CBX6: variants seen among roughly 807,000 people sequenced by gnomAD.
CBX6 encodes chromobox protein homolog 6.
In CBX6, 7 loss-of-function variants were observed where a neutral mutation model predicts 28.4. That is an observed-to-expected ratio of 0.25 (90% CI 0.14 to 0.46). The LOEUF (loss-of-function observed/expected upper bound fraction) is 0.46, where lower values mean the gene tolerates loss of function less well. CBX6 is among the 20% of genes least tolerant of loss of function. CBX6 has a pLI of 0.99. For synonymous variants in CBX6, 297 were observed against 273.4 expected, an observed-to-expected ratio of 1.09 and a Z score of -0.85; for missense variants, 512 against 606.1, an observed-to-expected ratio of 0.84 and a Z score of 1.63.
intron 4 of CBX6, chr22:38,869,565 A>T (rs1175029455): frequency 6.6e-6 from 1 of 152,060 alleles, no homozygotes; most frequent in African/African-American, 2.4e-5. Context: ...ATATATTATT[A>T]TTTTTTAAAG....
At chr22:38,867,928 G>C (rs374869355) in intron 4 of CBX6, among the ~76,000 whole-genome samples, 1 of 152,246 alleles carries the variant, frequency 6.6e-6, no homozygotes, top group Non-Finnish European at 1.5e-5. Context: ...GACAGGCCTA[G>C]AAGTGGGCCC....
Position 38,866,381 on chromosome 22 carries a change from C to A in CBX6, c.1067G>T (p.Gly356Val), listed in dbSNP as rs770804394. The stretch of plus-strand genomic sequence containing the variant: ...GGGTGACATCTCGGGGCGCCAGTCC[C>A]CAGCCTCGGGCTCGGAGGAGGCACC... The part of the protein sequence containing the change: ...PAGASSEPEA[G>V]DWRPEMSPCS... The change falls in exon 5 of 5, where the codon GGG becomes GTG. Residue 356 changes from glycine (G) to valine (V), a missense_variant. Gly to Val is a moderately radical substitution (Grantham distance 109). Transcript: ENST00000407418. The surrounding 1 kb of genome is among the most constrained non-coding windows in gnomAD (Gnocchi z 7.5). 3 of 1,613,552 alleles carry A rather than the reference C, an allele frequency of 1.9e-6. No individual in the cohort carries two copies. The highest frequency in any genetic ancestry group is 1.7e-5 in the Admixed American group (1 of 60,024).
At chr22:38,868,519 C>A (rs754280570) in intron 4 of CBX6, among the ~76,000 whole-genome samples, 2 of 152,218 alleles carry the variant, frequency 1.3e-5, no homozygotes, top group Non-Finnish European at 2.9e-5. Flanking sequence ...AGAGAGTCCT[C>A]TGGGCAAGAT....
At chr22:38,868,575 A>G (rs568679837) in intron 4 of CBX6, among the ~76,000 whole-genome samples, 1 of 152,270 alleles carries the variant, frequency 6.6e-6, no homozygotes, top group South Asian at 2.1e-4. Flanking sequence ...ACTGAAAGCA[A>G]GGGCTGGGGA....
Position 38,870,894 on chromosome 22 carries a change from G to A in CBX6, c.246+586C>T. On this transcript the variant is annotated intron_variant, in intron 4 of 4. Transcript: ENST00000407418. This position sits in a 1 kb window ranked among gnomAD's most constrained non-coding sequence, Gnocchi z 4.3. ...ATCCCCCAGAAATGGCCGGGAGTGG[G>A]GGGAAACTGAGGCTCAGAGCCCTAA... is the stretch of plus-strand genomic sequence containing the variant. 1 of 154,514 alleles carries A rather than the reference G, an allele frequency of 6.5e-6. No individual in the cohort carries two copies. Among genetic ancestry groups the A allele is most frequent in the African/African-American group, 2.4e-5 (1 of 41,462 alleles). 9.6% of individuals were successfully genotyped at this position (154,514 alleles called of 1,614,324 possible). A position where few individuals can be genotyped will look rare whatever the true frequency, so the allele number is the denominator to read the frequency against.
rs753002389 is a variant in CBX6 at position 38,867,043 on chromosome 22, G to T, written c.405C>A (p.Pro135=). The T allele has an allele frequency of 1.2e-6, 2 of 1,605,984 alleles. No homozygotes were observed. Among genetic ancestry groups the T allele is most frequent in the East Asian group, 4.5e-5 (2 of 44,662 alleles). ...RCHRMSRRPL[P]RPDPQGGSPG... is the part of the protein sequence containing the mutation. ...GGCTGCCCCCCTGCGGGTCCGGGCG[G>T]GGCAGGGGACGGCGGGACATACGGT... Residue 135 remains proline (P), a synonymous_variant, in exon 5 of 5, where the codon CCC becomes CCA. Coordinates refer to ENST00000407418, the MANE Select transcript of CBX6 (RefSeq NM_014292.5).
rs1555884509 is a variant in CBX6 at position 38,864,251 on chromosome 22, G to GT, written c.*1957dup. On this transcript the variant is annotated 3_prime_UTR_variant, in exon 5 of 5. Transcript: ENST00000407418. Reference sequence around the variant, plus strand: ...TTTTTTTTCCTCTTTTTTTGTTTTTGTTTTTTTGCAAAACTAATTCTTTCA... The same window carrying GT: ...TTTTTTTTCCTCTTTTTTTGTTTTTGTTTTTTTTGCAAAACTAATTCTTTCA... The GT allele has an allele frequency of 7.6e-5, 5 of 65,800 alleles. No homozygotes were observed. The highest frequency in any genetic ancestry group is 9.8e-5 in the Non-Finnish European group (3 of 30,512). 4.1% of individuals were successfully genotyped at this position (65,800 alleles called of 1,614,324 possible).
In CBX6 at chr22:38,863,841, G is replaced by A. The variant is rs2146210787; in HGVS notation, c.*2368C>T. On this transcript the variant is annotated 3_prime_UTR_variant, in exon 5 of 5. Coordinates refer to ENST00000407418, the MANE Select transcript of CBX6 (RefSeq NM_014292.5). ...GTCTCCCCCATAGGGTGGCGGTGGT[G>A]GGGACCAGATGGCCCAACAACTGGG... 6.6e-6 allele frequency: 1 copy of A among 152,342 alleles called. No individual in the cohort carries two copies. Among genetic ancestry groups the A allele is most frequent in the East Asian group, 1.9e-4 (1 of 5,184 alleles). The allele number at this position is 152,342 out of a possible 1,614,324, so 9.4% of individuals were successfully genotyped here.
At position 38,862,765 on chromosome 22, in the gene CBX6, C is replaced by A. The variant is rs1006049611; in HGVS notation, c.*3444G>T. 6.6e-6 allele frequency: 1 copy of A among 152,300 alleles called. No individual in the cohort carries two copies. The highest frequency in any genetic ancestry group is 1.5e-5 in the Non-Finnish European group (1 of 68,118). 9.4% of individuals were successfully genotyped at this position (152,300 alleles called of 1,614,324 possible). On this transcript the variant is annotated 3_prime_UTR_variant, in exon 5 of 5. Transcript: ENST00000407418. The stretch of plus-strand genomic sequence containing the variant: ...CACCGGCCTGGCTCTCCTCCAGGAC[C>A]TCCTGGCTCAGGGGCTCGAGGCCAG...
At position 38,866,822 on chromosome 22, in the gene CBX6, A is replaced by G; in HGVS notation, c.626T>C (p.Ile209Thr). ...CTCGCTGAACTTCTTGCTCTTGCCT[A>G]TAACGCGGTTCCGCGAGGGGACTTT... ...RPKVPSRNRV[I>T]GKSKKFSESV... is the part of the protein sequence containing the mutation. The change falls in exon 5 of 5, where the codon ATA becomes ACA. Residue 209 changes from isoleucine (I) to threonine (T), a missense_variant. Coordinates refer to ENST00000407418, the MANE Select transcript of CBX6 (RefSeq NM_014292.5). The surrounding 1 kb of genome is among the most constrained non-coding windows in gnomAD (Gnocchi z 7.5). The G allele has an allele frequency of 6.2e-7, 1 of 1,612,408 alleles. No homozygotes were observed. The highest frequency in any genetic ancestry group is 8.5e-7 in the Non-Finnish European group (1 of 1,179,332).
In CBX6 at chr22:38,871,993, G is replaced by A. The variant is rs1252288165; in HGVS notation, c.70-48C>T. The A allele has an allele frequency of 6.7e-5, 96 of 1,441,526 alleles. No individual in the cohort carries two copies. The highest frequency in any genetic ancestry group is 8.5e-5 in the Non-Finnish European group (92 of 1,085,574). 89.3% of individuals were successfully genotyped at this position (1,441,526 alleles called of 1,614,324 possible). On this transcript the variant is annotated intron_variant, in intron 1 of 4. Transcript: ENST00000407418. The surrounding 1 kb of genome is among the most constrained non-coding windows in gnomAD (Gnocchi z 5.6). ...ACGGGGGTGGGGGTGGGGAGGATGCGGGGACGCGAGGAGGCGGCGGCGCGG... is the reference window on the plus strand; with the variant it reads ...ACGGGGGTGGGGGTGGGGAGGATGCAGGGACGCGAGGAGGCGGCGGCGCGG...
In CBX6 at chr22:38,871,001, G is replaced by T. The variant is rs2093180663; in HGVS notation, c.246+479C>A. ...CAAGTTGGATCCCCAAGAAAGGAGG[G>T]GAGCCATGAAGAACAAATCCTGAAA... On this transcript the variant is annotated intron_variant, in intron 4 of 4. Transcript: ENST00000407418. The surrounding 1 kb of genome is among the most constrained non-coding windows in gnomAD (Gnocchi z 5.6). 1 of 160,198 alleles carries T rather than the reference G, an allele frequency of 6.2e-6. No homozygotes were observed. Among genetic ancestry groups the T allele is most frequent in the Non-Finnish European group, 1.4e-5 (1 of 72,920 alleles). 9.9% of individuals were successfully genotyped at this position (160,198 alleles called of 1,614,324 possible).
Position 38,870,833 on chromosome 22 carries a change from G to C in CBX6, c.246+647C>G, listed in dbSNP as rs1422397524. On this transcript the variant is annotated intron_variant, in intron 4 of 4. Coordinates refer to ENST00000407418, the MANE Select transcript of CBX6 (RefSeq NM_014292.5). This position sits in a 1 kb window ranked among gnomAD's most constrained non-coding sequence, Gnocchi z 4.3. ...TCTGGAAGTTCTTCCCTCCCTAGCA[G>C]AGACTAATATGCTATGCTCTCACTC... 2 of 152,530 alleles carry C rather than the reference G, an allele frequency of 1.3e-5. No individual in the cohort carries two copies. Among genetic ancestry groups the C allele is most frequent in the East Asian group, 3.9e-4 (2 of 5,180 alleles). 9.4% of individuals were successfully genotyped at this position (152,530 alleles called of 1,614,324 possible).
rs2093158214 is a variant in CBX6, at chr22:38,861,969, T to C, written c.*4240A>G. 1 of 152,234 alleles carries C rather than the reference T, an allele frequency of 6.6e-6. No homozygotes were observed. The highest frequency in any genetic ancestry group is 1.5e-5 in the Non-Finnish European group (1 of 68,040). The allele number at this position is 152,234 out of a possible 1,614,324, so 9.4% of individuals were successfully genotyped here. A position where few individuals can be genotyped will look rare whatever the true frequency, so the allele number is the denominator to read the frequency against. ...AATTAAAAAAATTATAAGATACGTA[T>C]TTCTTTAGGCCTTTGTGTTTTTAAA... On this transcript the variant is annotated 3_prime_UTR_variant, in exon 5 of 5. Transcript: ENST00000407418.
At chr22:38,868,596 G>T (rs960010647) in intron 4 of CBX6, among the ~76,000 whole-genome samples, 14 of 152,142 alleles carry the variant, frequency 9.2e-5, no homozygotes, top group Non-Finnish European at 4.4e-5. Context: ...CAGAGGCTGG[G>T]GTGTGTGTGG....
In CBX6 at chr22:38,866,620, G is replaced by C. The variant is rs1005333233; in HGVS notation, c.828C>G (p.Ser276=). 6.5e-7 allele frequency: 1 copy of C among 1,528,372 alleles called. No individual in the cohort carries two copies. Among genetic ancestry groups the C allele is most frequent in the South Asian group, 1.2e-5 (1 of 82,216 alleles). 94.7% of individuals were successfully genotyped at this position (1,528,372 alleles called of 1,614,324 possible). A position where few individuals can be genotyped will look rare whatever the true frequency, so the allele number is the denominator to read the frequency against. Residue 276 remains serine, a synonymous_variant, in exon 5 of 5, where the codon TCC becomes TCG. Coordinates refer to ENST00000407418, the MANE Select transcript of CBX6 (RefSeq NM_014292.5). The surrounding 1 kb of genome is among the most constrained non-coding windows in gnomAD (Gnocchi z 7.5). ...APYDARSSGS[S]GCPSPTPQSS... ...ACTGTGGTGTAGGCGAGGGGCAGCCGGAGGAGCCAGAGCTGCGGGCGTCGT... is the reference window on the plus strand; with the variant it reads ...ACTGTGGTGTAGGCGAGGGGCAGCCCGAGGAGCCAGAGCTGCGGGCGTCGT...
Position 38,871,722 on chromosome 22 carries a change from T to A in CBX6, c.149A>T (p.Asp50Val). Residue 50 changes from aspartate (D) to valine (V), a missense_variant, in exon 3 of 5, where the codon GAC (aspartate) becomes GTC (valine). Coordinates refer to ENST00000407418, the MANE Select transcript of CBX6 (RefSeq NM_014292.5). This position sits in a 1 kb window ranked among gnomAD's most constrained non-coding sequence, Gnocchi z 5.6. Reference protein sequence around the residue: ...STWEPEENILDSRLIAAFEQK... With the variant: ...STWEPEENILVSRLIAAFEQK... Reference sequence around the variant, plus strand: ...TTCGAAGGCTGCAATGAGCCGCGAGTCCAGGATGTTCTCCTCGGGCTCCCA... The same window carrying A: ...TTCGAAGGCTGCAATGAGCCGCGAGACCAGGATGTTCTCCTCGGGCTCCCA... 1 of 1,612,750 alleles carries A rather than the reference T, an allele frequency of 6.2e-7. No individual in the cohort carries two copies.
At chr22:38,868,216 G>A (rs2065208066) in intron 4 of CBX6, among the ~76,000 whole-genome samples, 1 of 152,252 alleles carries the variant, frequency 6.6e-6, no homozygotes, top group African/African-American at 2.4e-5. Flanking sequence ...GGAAGGTACT[G>A]AGGCACCAGG....
At position 38,866,418 on chromosome 22, in the gene CBX6, G is replaced by A; in HGVS notation, c.1030C>T (p.Pro344Ser). The change falls in exon 5 of 5, where the codon CCT (proline) becomes TCT (serine). Residue 344 changes from proline (P) to serine (S), a missense_variant. By Grantham distance (74) the Pro-to-Ser change is moderately conservative (BLOSUM62 -1). This residue lies in a region of CBX6 where 290 missense variants were observed against 274.1 expected (regional missense o/e 1.06). Transcript: ENST00000407418. This position sits in a 1 kb window ranked among gnomAD's most constrained non-coding sequence, Gnocchi z 7.5. ...TCGGAGGAGGCACCGGCGGGCTCAGGGGCCGTGGGAGGTGCCGGGCCGGCA... is the reference window on the plus strand; with the variant it reads ...TCGGAGGAGGCACCGGCGGGCTCAGAGGCCGTGGGAGGTGCCGGGCCGGCA... ...AAAGPAPPTA[P>S]EPAGASSEPE... The A allele has an allele frequency of 6.2e-7, 1 of 1,611,628 alleles. No homozygotes were observed. The highest frequency in any genetic ancestry group is 8.5e-7 in the Non-Finnish European group (1 of 1,179,476).
Sources: allele counts gnomAD v4.1 joint callset (sites outside exome capture counted in the v4.1 genomes callset), GRCh38; gene constraint gnomAD v4.1.1; regional missense constraint gnomAD v4.1.1; non-coding constraint Gnocchi (gnomAD v3.1); transcripts MANE v1.5; gene names NCBI Gene and HGNC (gene_info 2026-07-23, HGNC 2026-07-21).